Variants in FBXL13 observed in about 807,000 individuals in gnomAD.
The protein encoded by FBXL13 is F-box and leucine-rich repeat protein 13.
A neutral mutation model predicts 83.6 loss-of-function variants in FBXL13; 67 were observed. The ratio of observed to expected loss-of-function variants is 0.80; its 90% CI spans 0.66 to 0.98. The LOEUF (loss-of-function observed/expected upper bound fraction) is 0.98. Among genes scored for constraint, FBXL13 ranks in the 50% least tolerant of loss-of-function variants. The probability of loss-of-function intolerance (pLI) is 0.00; values close to 1 mark genes in which losing one functional copy is unlikely to be tolerated. For synonymous variants in FBXL13, 272 were observed against 299.5 expected, an observed-to-expected ratio of 0.91 and a Z score of 0.95; for missense variants, 822 against 866.5, an observed-to-expected ratio of 0.95 and a Z score of 0.64.
chr7:103,017,385 C>G (rs192965953), intron 6 of FBXL13, among the ~76,000 whole-genome samples: 1 of 152,178 alleles, frequency 6.6e-6, no homozygotes, highest in African/African-American at 2.4e-5. Flanking sequence ...AAAAACAGAG[C>G]AGAAAAGCTG....
chr7:102,860,634 T>C (rs1806671397), intron 16 of FBXL13, among the ~76,000 whole-genome samples: 1 of 152,158 alleles, frequency 6.6e-6, no homozygotes, highest in African/African-American at 2.4e-5. Flanking sequence ...TTAGCTGATG[T>C]ACATAGACAA....
intron 8 of FBXL13, among the ~76,000 whole-genome samples, chr7:102,956,473 C>T (rs539648668): frequency 2.0e-5 from 3 of 152,252 alleles, no homozygotes; most frequent in East Asian, 1.9e-4. Flanking sequence ...AAAACCAGCA[C>T]GAGGCAAGGA....
At chr7:103,072,251 G>T (rs1188775554) in intron 1 of FBXL13, among the ~76,000 whole-genome samples, 1 of 152,042 alleles carries the variant, frequency 6.6e-6, no homozygotes, top group Non-Finnish European at 1.5e-5. Context: ...GACAGGATAT[G>T]AGGCAGAATG....
exon 8 of FBXL13, chr7:102,963,567 A>G: frequency 6.2e-7 from 1 of 1,613,258 alleles, no homozygotes. Flanking sequence ...GGAGAAGACA[A>G]CCACGAAAAT....
chr7:103,058,266 G>T (rs1288503185), intron 1 of FBXL13, among the ~76,000 whole-genome samples: 1 of 152,190 alleles, frequency 6.6e-6, no homozygotes, highest in East Asian at 1.9e-4. Context: ...TCTGCCTTCA[G>T]ACCAAGCCCA....
intron 6 of FBXL13, among the ~76,000 whole-genome samples, chr7:102,998,515 G>A (rs1383928588): frequency 2.6e-5 from 4 of 152,000 alleles, no homozygotes; most frequent in African/African-American, 4.8e-5. Context: ...TGCAACTATT[G>A]TAAATGGGAT....
chr7:103,070,198 TAACA>T (rs1441639898), intron 1 of FBXL13, among the ~76,000 whole-genome samples: 1 of 152,162 alleles, frequency 6.6e-6, no homozygotes, highest in Non-Finnish European at 1.5e-5. Flanking sequence ...ATATTCAAGT[TAACA>T]AACAATGATT....
rs957926366 is a variant in FBXL13 at position 102,944,064 on chromosome 7, C to T, written c.725-12131G>A. The T allele has an allele frequency of 1.1e-5, 7 of 631,788 alleles. No individual in the cohort carries two copies. In the African/African-American group the frequency reaches 1.1e-4, roughly 10 times the overall value. 39.1% of individuals were successfully genotyped at this position (631,788 alleles called of 1,614,324 possible). ...AGTTAAAAGTTTTCTAAAGTAAAAGCTCTGAGAAAAAGAAAGGAAAAGAAA... is the reference window on the plus strand; with the variant it reads ...AGTTAAAAGTTTTCTAAAGTAAAAGTTCTGAGAAAAAGAAAGGAAAAGAAA... On this transcript the variant is annotated intron_variant, in intron 8 of 19. Coordinates refer to ENST00000313221, the Ensembl canonical transcript of FBXL13.
chr7:103,060,061 T>TATATATATAC (rs1563286669), intron 1 of FBXL13, among the ~76,000 whole-genome samples: 1 of 119,138 alleles, frequency 8.4e-6, no homozygotes, highest in South Asian at 2.8e-4. Flanking sequence ...TATATATATA[T>TATATATATAC]ATACTTTTTT....
chr7:102,915,125 T>A (rs931089188), intron 10 of FBXL13, among the ~76,000 whole-genome samples: 1,736 of 148,356 alleles, frequency 0.012, 33 homozygotes, highest in African/African-American at 0.041. Context: ...TTAAAATATT[T>A]TTTTTTTTTT....
At chr7:102,893,644 T>C (rs1297624727) in intron 11 of FBXL13, among the ~76,000 whole-genome samples, 3 of 151,378 alleles carry the variant, frequency 2.0e-5, no homozygotes, top group Admixed American at 6.6e-5. Flanking sequence ...GGCGGGGACC[T>C]GTAGTCCCAG....
chr7:102,859,966 T>C (rs78543322), intron 16 of FBXL13, among the ~76,000 whole-genome samples: 1 of 152,124 alleles, frequency 6.6e-6, no homozygotes, highest in Admixed American at 6.5e-5. Context: ...TGCTCCTCCA[T>C]TGCTAATGGA....
intron 11 of FBXL13, among the ~76,000 whole-genome samples, chr7:102,903,666 A>G (rs2129466320): frequency 6.6e-6 from 1 of 151,938 alleles, no homozygotes; most frequent in Non-Finnish European, 1.5e-5. Flanking sequence ...CTCCTGCTCC[A>G]TAATGCTACG....
chr7:103,060,670 T>C (rs1344258677), intron 1 of FBXL13, among the ~76,000 whole-genome samples: 1 of 152,226 alleles, frequency 6.6e-6, no homozygotes, highest in African/African-American at 2.4e-5. Context: ...GAACAAGTCT[T>C]GCTTAGCTTT....
intron 2 of FBXL13, chr7:103,055,146 T>C (rs1333862621): frequency 2.3e-6 from 3 of 1,289,268 alleles, no homozygotes; most frequent in East Asian, 5.6e-5. Flanking sequence ...TCTTCGAATG[T>C]TTGGTTTCAT....
intron 6 of FBXL13, among the ~76,000 whole-genome samples, chr7:103,005,205 A>G (rs1337493303): frequency 5.9e-5 from 9 of 152,324 alleles, no homozygotes; most frequent in Non-Finnish European, 4.4e-5. Context: ...AAAGCATCTG[A>G]TGTAAATACT....
At chr7:102,913,319 C>T in intron 10 of FBXL13, 104 bp from the exon 12 acceptor site, 1 of 1,396,404 alleles carries the variant, frequency 7.2e-7, no homozygotes, top group Non-Finnish European at 9.8e-7. Flanking sequence ...AACTCTTCTT[C>T]TTGCAGATGT....
chr7:102,950,318 C>T (rs1018027410), intron 8 of FBXL13, among the ~76,000 whole-genome samples: 1 of 152,168 alleles, frequency 6.6e-6, no homozygotes, highest in Non-Finnish European at 1.5e-5. Context: ...TGTGACAGCA[C>T]CAAATGCTGA....
intron 16 of FBXL13, among the ~76,000 whole-genome samples, chr7:102,865,976 G>A (rs188489277): frequency 4.6e-5 from 7 of 152,174 alleles, no homozygotes; most frequent in African/African-American, 1.7e-4. Flanking sequence ...AATTATTTTT[G>A]TTTATTTCTA....
Sources: allele counts gnomAD v4.1 joint callset (sites outside exome capture counted in the v4.1 genomes callset), GRCh38; gene constraint gnomAD v4.1.1; transcripts MANE v1.5; gene names NCBI Gene and HGNC (gene_info 2026-07-23, HGNC 2026-07-21).